FNBP4: variants seen among roughly 807,000 people sequenced by gnomAD.
FNBP4 encodes the protein formin binding protein 4, also known as formin-binding protein 4.
In FNBP4, 34 loss-of-function variants were observed where a neutral mutation model predicts 119.3. The observed-to-expected ratio is 0.28, with a 90% CI of 0.22 to 0.38. FNBP4 has a LOEUF of 0.38. Ranked by LOEUF, FNBP4 falls within the 10% of genes least tolerant of loss-of-function variation. FNBP4 has a pLI of 1.00. For synonymous variants in FNBP4, 462 were observed against 430.6 expected, an observed-to-expected ratio of 1.07 and a Z score of -0.90; for missense variants, 1,112 against 1,228.9, an observed-to-expected ratio of 0.90 and a Z score of 1.42.
Position 47,746,225 on chromosome 11 carries a change from C to G in FNBP4, c.1076G>C (p.Ser359Thr), listed in dbSNP as rs1036413725. 2.5e-6 allele frequency: 4 copies of G among 1,614,118 alleles called. No homozygotes were observed. The highest frequency in any genetic ancestry group is 3.4e-6 in the Non-Finnish European group (4 of 1,180,014). The change falls in exon 7 of 17, where the codon AGT becomes ACT. Residue 359 changes from serine (S) to threonine (T), a missense_variant. Transcript: ENST00000263773. The stretch of plus-strand genomic sequence containing the variant: ...TGTTGTTGCTTCTTCTACTGTTGTA[C>G]TTGTTTCTTTTACTTCTGAAACTGG... ...EEPVSEVKET[S>T]TTVEEATTIV...
At chr11:47,752,425 CAA>C (rs71045514) in intron 4 of FNBP4, among the ~76,000 whole-genome samples, 47,568 of 127,968 alleles carry the variant, frequency 0.37, 9,054 homozygotes, top group South Asian at 0.53. Flanking sequence ...AACTCAGTCT[CAA>C]AAAAAAAAAA....
intron 11 of FNBP4, 169 bp from the exon 12 acceptor site, chr11:47,731,730 AG>A (rs1472978478): frequency 1.5e-6 from 2 of 1,377,500 alleles, no homozygotes; most frequent in South Asian, 1.9e-5. Flanking sequence ...TGGAGAACCA[AG>A]GATAATTCAA....
At chr11:47,765,569 G>T (rs11039374) in intron 1 of FNBP4, among the ~76,000 whole-genome samples, 1 of 28,858 alleles carries the variant, frequency 3.5e-5, no homozygotes, top group Non-Finnish European at 7.4e-5. Context: ...GGCCAAGACG[G>T]GGGGGGGGGG....
Position 47,753,053 on chromosome 11 carries a change from G to A in FNBP4, c.500C>T (p.Ser167Phe). 3 of 1,614,134 alleles carry A rather than the reference G, an allele frequency of 1.9e-6. No homozygotes were observed. Among genetic ancestry groups the A allele is most frequent in the Non-Finnish European group, 2.5e-6 (3 of 1,179,998 alleles). Residue 167 changes from serine (S) to phenylalanine (F), a missense_variant, in exon 4 of 17, where the codon TCT (serine) becomes TTT (phenylalanine). Physicochemically the swap from Ser to Phe is radical, Grantham distance 155 (BLOSUM62 -2). This residue lies in a region of FNBP4 where 286 missense variants were observed against 240.1 expected (regional missense o/e 1.19). Coordinates refer to ENST00000263773, the MANE Select transcript of FNBP4 (RefSeq NM_015308.5). The part of the protein sequence containing the change: ...APQPAAPVGA[S>F]APPPTPPRPE... ...TCGAGGTGGAGTTGGAGGTGGAGCAGAAGCTCCTACAGGAGCTGCAGGCTG... is the reference window on the plus strand; with the variant it reads ...TCGAGGTGGAGTTGGAGGTGGAGCAAAAGCTCCTACAGGAGCTGCAGGCTG...
At chr11:47,747,252 C>T (rs149017769) in intron 6 of FNBP4, among the ~76,000 whole-genome samples, 29 of 152,214 alleles carry the variant, frequency 1.9e-4, no homozygotes, top group Non-Finnish European at 3.8e-4. Context: ...CTTGCCCAGG[C>T]TGGAGTGCAA....
chr11:47,720,218 T>C (rs762072005), intron 15 of FNBP4, 132 bp from the exon 16 acceptor site: 7 of 841,096 alleles, frequency 8.3e-6, no homozygotes, highest in Non-Finnish European at 1.2e-5. Context: ...GTAAATACCA[T>C]TCTAAGTTCT....
Position 47,754,613 on chromosome 11 carries a change from T to C in FNBP4, c.365A>G (p.Asp122Gly). ...GGATTGTGCTAGTTTTTCGGAAACA[T>C]CATTGTCATCGTCATCACTGTCAGC... ...AYADSDDDDN[D>G]VSEKLAQSKE... Residue 122 changes from aspartate to glycine, a missense_variant, in exon 3 of 17, where the codon GAT becomes GGT. Coordinates refer to ENST00000263773, the MANE Select transcript of FNBP4 (RefSeq NM_015308.5). The C allele has an allele frequency of 6.2e-7, 1 of 1,614,150 alleles. No individual in the cohort carries two copies. The highest frequency in any genetic ancestry group is 1.3e-5 in the African/African-American group (1 of 75,046).
rs769204635 is a variant in FNBP4, at chr11:47,753,018, T to G, written c.535A>C (p.Lys179Gln). ...GAAAGGGTAGATGTTGCTGCTTCCT[T>G]TGGCTCTGGTCGAGGTGGAGTTGGA... ...PPPTPPRPEP[K>Q]EAATSTLSSS... is the part of the protein sequence containing the mutation. The change falls in exon 4 of 17, where the codon AAG becomes CAG. Residue 179 changes from lysine (K) to glutamine (Q), a missense_variant. Lys to Gln is a moderately conservative substitution (Grantham distance 53). Transcript: ENST00000263773. 6.2e-7 allele frequency: 1 copy of G among 1,614,106 alleles called. No homozygotes were observed. The highest frequency in any genetic ancestry group is 8.5e-7 in the Non-Finnish European group (1 of 1,179,994).
chr11:47,744,167 C>T lies in FNBP4; in HGVS notation c.1246-4G>A. On this transcript the variant is annotated splice_region_variant and splice_polypyrimidine_tract_variant and intron_variant, in intron 7 of 16. Transcript: ENST00000263773. ...CCTCCAAGGCTCGCAACTCTGCCTACAAAGAACATGACAATTAAGTTAGTG... is the reference window on the plus strand; with the variant it reads ...CCTCCAAGGCTCGCAACTCTGCCTATAAAGAACATGACAATTAAGTTAGTG... The T allele has an allele frequency of 6.2e-7, 1 of 1,612,866 alleles. No homozygotes were observed.
intron 8 of FNBP4, among the ~76,000 whole-genome samples, chr11:47,742,759 G>A (rs1401971104): frequency 1.3e-5 from 2 of 149,212 alleles, no homozygotes; most frequent in Non-Finnish European, 3.0e-5. Context: ...GCGTGGTGAC[G>A]GGCGCCTGTA....
chr11:47,756,701 G>C (rs569501783), intron 2 of FNBP4, among the ~76,000 whole-genome samples: 351 of 129,812 alleles, frequency 2.7e-3, no homozygotes, highest in Middle Eastern at 0.017. Context: ...CCCCACCCCC[G>C]ACCCCATGAC....
At chr11:47,751,438 T>C (rs1402948697) in intron 4 of FNBP4, 148 bp from the exon 5 acceptor site, 6 of 848,624 alleles carry the variant, frequency 7.1e-6, no homozygotes, top group Non-Finnish European at 7.4e-6. Context: ...GGCAATCCTA[T>C]GTGGAGGTTT....
At position 47,724,077 on chromosome 11, in the gene FNBP4, A is replaced by G; in HGVS notation, c.2415T>C (p.Ala805=). The stretch of plus-strand genomic sequence containing the variant: ...AGAGAACTGGAGAACTGCCAATGGT[A>G]GCTGACCTCTGAACCACTGCAGTGC... ...EISTAVVQRS[A]TIGSSPVLYS... The change falls in exon 14 of 17, where the codon GCT becomes GCC. Residue 805 remains alanine (A), a synonymous_variant. Coordinates refer to ENST00000263773, the MANE Select transcript of FNBP4 (RefSeq NM_015308.5). 1.2e-6 allele frequency: 2 copies of G among 1,614,210 alleles called. No homozygotes were observed. Among genetic ancestry groups the G allele is most frequent in the Non-Finnish European group, 8.5e-7 (1 of 1,180,020 alleles).
At position 47,767,309 on chromosome 11, in the gene FNBP4, G is replaced by A. The variant is rs757197269; in HGVS notation, c.-21C>T. On this transcript the variant is annotated 5_prime_UTR_variant, in exon 1 of 17. Coordinates refer to ENST00000263773, the MANE Select transcript of FNBP4 (RefSeq NM_015308.5). ...CCCATCGCGAGCCCAAGCGCGAGCA[G>A]AGAGCGTCGGGCGGCCGAGAGGGGC... is the stretch of plus-strand genomic sequence containing the variant. 4.8e-5 allele frequency: 71 copies of A among 1,470,702 alleles called. 2 individuals carry two copies. The South Asian group carries it at 9.0e-4, about 19-fold the overall frequency. 91.1% of individuals were successfully genotyped at this position (1,470,702 alleles called of 1,614,324 possible).
At chr11:47,752,068 A>T (rs2097605108) in intron 4 of FNBP4, among the ~76,000 whole-genome samples, 1 of 152,070 alleles carries the variant, frequency 6.6e-6, no homozygotes, top group African/African-American at 2.4e-5. Context: ...AAAAGATAAA[A>T]ATTACATCCT....
At chr11:47,745,962 C>T in intron 7 of FNBP4, 94 bp downstream of exon 7, 1 of 1,159,846 alleles carries the variant, frequency 8.6e-7, no homozygotes, top group Non-Finnish European at 1.2e-6. Flanking sequence ...ATAAGAAAAA[C>T]AAAATCCCAA....
Position 47,717,573 on chromosome 11 carries a change from C to G in FNBP4, c.2964-61G>C, listed in dbSNP as rs1002046056. 19 of 1,211,194 alleles carry G rather than the reference C, an allele frequency of 1.6e-5. No individual in the cohort carries two copies. In the African/African-American group the frequency reaches 2.7e-4, roughly 17 times the overall value. 75.0% of individuals were successfully genotyped at this position (1,211,194 alleles called of 1,614,324 possible). ...GAAAAATTAACAAAAGTATTCATTT[C>G]CCAGCAAATAAAAATCTAACTGAAA... On this transcript the variant is annotated intron_variant, in intron 16 of 16. Coordinates refer to ENST00000263773, the MANE Select transcript of FNBP4 (RefSeq NM_015308.5).
chr11:47,753,626 C>CAAAAAACA (rs974416516), intron 3 of FNBP4, among the ~76,000 whole-genome samples: 8 of 146,132 alleles, frequency 5.5e-5, no homozygotes, highest in South Asian at 2.2e-4. Context: ...AAACAAAAAA[C>CAAAAAACA]AAAAAAAAAA....
chr11:47,755,141 TA>T (rs35333558), intron 2 of FNBP4, among the ~76,000 whole-genome samples: 39,686 of 122,720 alleles, frequency 0.32, 5,926 homozygotes, highest in East Asian at 0.39. Context: ...CTCCGGGGGT[TA>T]AAAAAAAAAA....
Sources: gnomAD v4.1 joint callset for allele counts (sites outside exome capture counted in the v4.1 genomes callset) on GRCh38, gnomAD v4.1.1 for gene constraint, gnomAD v4.1.1 regional missense constraint, MANE v1.5 for transcripts, NCBI Gene and HGNC (gene_info 2026-07-23, HGNC 2026-07-21) for gene names.